Variants in DNAH11 observed in about 807,000 individuals in gnomAD.
DNAH11 encodes dynein axonemal heavy chain 11.
DNAH11 carries 442 observed loss-of-function variants against 526.0 expected under a neutral mutation model. The ratio of observed to expected loss-of-function variants is 0.84; its 90% CI spans 0.78 to 0.91. DNAH11 has a LOEUF of 0.91. DNAH11 is among the 40% of genes least tolerant of loss of function. DNAH11 has a pLI of 0.00. For missense variants in DNAH11, 6,989 were observed against 5,448.7 expected, an observed-to-expected ratio of 1.28 and a Z score of -8.90; for synonymous variants, 2,461 against 1,935.9, an observed-to-expected ratio of 1.27 and a Z score of -7.12.
chr7:21,726,083 G>T, intron 45 of DNAH11, 99 bp downstream of exon 45: 1 of 1,212,058 alleles, frequency 8.3e-7, no homozygotes, highest in African/African-American at 1.6e-5. Flanking sequence ...GGTTTAATTG[G>T]CTCATGATTC....
intron 20 of DNAH11, among the ~76,000 whole-genome samples, chr7:21,608,490 CCT>C (rs1486695868): frequency 3.3e-5 from 5 of 152,164 alleles, no homozygotes; most frequent in African/African-American, 1.2e-4. Context: ...AGAGCCCTTA[CCT>C]CTCTTTCCAA....
intron 14 of DNAH11, among the ~76,000 whole-genome samples, chr7:21,598,667 C>T (rs1784957683): frequency 1.3e-5 from 2 of 152,054 alleles, no homozygotes; most frequent in African/African-American, 4.8e-5. Flanking sequence ...GTTTATTGTA[C>T]AGATTATTTT....
chr7:21,711,505 A>C (rs1784462772), intron 41 of DNAH11, among the ~76,000 whole-genome samples: 1 of 152,244 alleles, frequency 6.6e-6, no homozygotes, highest in Non-Finnish European at 1.5e-5. Context: ...GTAAAGGTCG[A>C]CATTCACAAG....
intron 54 of DNAH11, among the ~76,000 whole-genome samples, chr7:21,760,840 G>A (rs1292305150): frequency 2.1e-5 from 3 of 139,808 alleles, no homozygotes; most frequent in African/African-American, 7.7e-5. Flanking sequence ...GTGTATTCCA[G>A]ATATTAACCA....
chr7:21,776,145 T>C (rs981209301), intron 56 of DNAH11, among the ~76,000 whole-genome samples: 8 of 152,190 alleles, frequency 5.3e-5, no homozygotes, highest in Admixed American at 4.6e-4. Context: ...CGATTCACTA[T>C]GTCTGCCAAG....
At chr7:21,700,582 C>T (rs189170207) in intron 36 of DNAH11, among the ~76,000 whole-genome samples, 3 of 152,214 alleles carry the variant, frequency 2.0e-5, no homozygotes, top group African/African-American at 7.2e-5. Context: ...TCAGAAACAC[C>T]ATTTGACCCA....
Position 21,657,382 on chromosome 7 carries a change from AG to A in DNAH11, c.5094+1406del, listed in dbSNP as rs774147267. On this transcript the variant is annotated intron_variant, in intron 29 of 81. Transcript: ENST00000409508. ...TAATGGAGGTAGCAATTGTTGTTAT[AG>A]GGGGTTGGTTGAGAAGTGCCAAAAA... Among the ~76,000 whole-genome samples, 376 of 152,286 alleles carry A rather than the reference AG, an allele frequency of 2.5e-3. 1 individual carries two copies. The highest frequency in any genetic ancestry group is 3.6e-3 in the Non-Finnish European group (245 of 67,998).
At chr7:21,713,799 G>A (rs554220690) in intron 42 of DNAH11, among the ~76,000 whole-genome samples, 20 of 152,110 alleles carry the variant, frequency 1.3e-4, no homozygotes, top group Non-Finnish European at 2.5e-4. Context: ...AGGCTTTTGC[G>A]TTGACAGAGC....
chr7:21,727,149 G>A (rs1418375562), intron 45 of DNAH11, among the ~76,000 whole-genome samples: 1 of 151,620 alleles, frequency 6.6e-6, no homozygotes, highest in East Asian at 2.0e-4. Context: ...TAGCCAGGAT[G>A]ATCTCGATCT....
intron 55 of DNAH11, among the ~76,000 whole-genome samples, chr7:21,768,507 A>G (rs1286393763): frequency 1.3e-5 from 2 of 152,198 alleles, no homozygotes; most frequent in Non-Finnish European, 2.9e-5. Context: ...TGTAGAGTAG[A>G]TCTGAGCAAG....
In DNAH11 at chr7:21,698,098, A is replaced by G; in HGVS notation, c.6065A>G (p.Asp2022Gly). Residue 2022 changes from aspartate (D) to glycine (G), a missense_variant, in exon 36 of 82, where the codon GAC (aspartate) becomes GGC (glycine). Asp to Gly is a moderately conservative substitution (Grantham distance 94, BLOSUM62 -1). Transcript: ENST00000409508. ...AGACCCTGTGCCATGGTGGCCCCTG[A>G]CATTGAGCTAATCTGTGAAATCTTG... is the stretch of plus-strand genomic sequence containing the variant. ...LFRPCAMVAP[D>G]IELICEILLV... 6.2e-7 allele frequency: 1 copy of G among 1,613,104 alleles called. No homozygotes were observed. The highest frequency in any genetic ancestry group is 8.5e-7 in the Non-Finnish European group (1 of 1,179,596).
rs2128447056 is a variant in DNAH11, at chr7:21,601,008, A to C, written c.3256-2A>C. ...TTCTAATTAATCTTTTTCTCACTAC[A>C]GATTGACATTTATGAAGCTTTGTAT... is the stretch of plus-strand genomic sequence containing the variant. On this transcript the variant is annotated splice_acceptor_variant, in intron 16 of 81. Coordinates refer to ENST00000409508, the MANE Select transcript of DNAH11 (RefSeq NM_001277115.2). LOFTEE classifies it high-confidence loss of function. 1.2e-6 allele frequency: 2 copies of C among 1,610,486 alleles called. No individual in the cohort carries two copies. Among genetic ancestry groups the C allele is most frequent in the South Asian group, 2.2e-5 (2 of 89,836 alleles).
At chr7:21,785,773 T>C (rs1386644689) in intron 58 of DNAH11, among the ~76,000 whole-genome samples, 1 of 152,236 alleles carries the variant, frequency 6.6e-6, no homozygotes, top group African/African-American at 2.4e-5. Flanking sequence ...TTTGTTTTTG[T>C]TCTTGCTTTC....
chr7:21,817,236 C>G (rs1293237328), intron 64 of DNAH11, among the ~76,000 whole-genome samples: 1 of 152,092 alleles, frequency 6.6e-6, no homozygotes, highest in Non-Finnish European at 1.5e-5. Flanking sequence ...CATGATAATA[C>G]TGTCTGATAG....
chr7:21,786,388 T>A (rs1439701794), intron 58 of DNAH11, among the ~76,000 whole-genome samples: 1 of 152,098 alleles, frequency 6.6e-6, no homozygotes, highest in East Asian at 1.9e-4. Context: ...TAGATCATTT[T>A]TCTTGAAGGC....
chr7:21,720,054 A>G (rs1001580701), intron 43 of DNAH11, among the ~76,000 whole-genome samples: 3 of 152,206 alleles, frequency 2.0e-5, no homozygotes, highest in Non-Finnish European at 2.9e-5. Context: ...GCACGTTGCC[A>G]TTTCACCTGG....
chr7:21,664,310 A>G (rs771806978), intron 30 of DNAH11, among the ~76,000 whole-genome samples: 2 of 151,862 alleles, frequency 1.3e-5, no homozygotes, highest in Non-Finnish European at 1.5e-5. Context: ...TTGTTTTTAA[A>G]TGTTCATTTT....
chr7:21,558,681 A>G (rs1783317875), intron 2 of DNAH11, 121 bp from the exon 3 acceptor site: 2 of 665,698 alleles, frequency 3.0e-6, no homozygotes, highest in Middle Eastern at 4.2e-4. Flanking sequence ...CTCTTTGTAG[A>G]TTTGATATCA....
chr7:21,868,035 GC>G (rs1783350280), intron 72 of DNAH11, 28 bp downstream of exon 72: 3 of 1,452,970 alleles, frequency 2.1e-6, no homozygotes, highest in East Asian at 2.6e-5. Flanking sequence ...TCGCTGGCCC[GC>G]CCCTTCTCCC....
Sources: allele counts gnomAD v4.1 joint callset (sites outside exome capture counted in the v4.1 genomes callset), GRCh38; gene constraint gnomAD v4.1.1; transcripts MANE v1.5; gene names NCBI Gene and HGNC (gene_info 2026-07-23, HGNC 2026-07-21).